The following GAREM1 variants were observed in gnomAD, a reference collection of about 807,000 sequenced individuals.
GAREM1 encodes GRB2 associated regulator of MAPK1 subtype 1.
GAREM1 carries 26 observed loss-of-function variants against 71.3 expected under a neutral mutation model. The ratio of observed to expected loss-of-function variants is 0.36; its 90% CI spans 0.27 to 0.51. The LOEUF is 0.51. Among genes scored for constraint, GAREM1 ranks in the 20% least tolerant of loss-of-function variants. The pLI is 0.95. For missense variants in GAREM1, 1,026 were observed against 1,103.1 expected (o/e 0.93, Z 0.99); for synonymous variants, 440 against 433.2 (o/e 1.02, Z -0.20).
At chr18:32,448,845 CT>C (rs1488342433) in intron 1 of GAREM1, among the ~76,000 whole-genome samples, 1 of 152,178 alleles carries the variant, frequency 6.6e-6, no homozygotes, top group African/African-American at 2.4e-5. Flanking sequence ...AGAAAACCTT[CT>C]TCAGTGAGTA....
At chr18:32,370,616 CA>C (rs753013360) in intron 2 of GAREM1, among the ~76,000 whole-genome samples, 96 of 152,138 alleles carry the variant, frequency 6.3e-4, no homozygotes, top group Non-Finnish European at 1.2e-3. Context: ...GTGCATAAAA[CA>C]AGAGAAGTTT....
In GAREM1 at chr18:32,268,386, T is replaced by C; in HGVS notation, c.2116A>G (p.Thr706Ala). ...PKSASYSLES[T>A]DVKSLAAGVT... ...CCAGCTGCAAGAGATTTCACATCTG[T>C]GCTCTCCAGAGAGTAGCTGGCTGAC... is the stretch of plus-strand genomic sequence containing the variant. Residue 706 changes from threonine (T) to alanine (A), a missense_variant, in exon 6 of 6, where the codon ACA (threonine) becomes GCA (alanine). Around this residue, in one of 3 missense-constraint regions of GAREM1, gnomAD observed 636 missense variants for 631.2 expected, o/e 1.01. Transcript: ENST00000269209. 1 of 1,614,188 alleles carries C rather than the reference T, an allele frequency of 6.2e-7. No homozygotes were observed. The highest frequency in any genetic ancestry group is 8.5e-7 in the Non-Finnish European group (1 of 1,180,028).
chr18:32,364,516 T>C (rs532065426), intron 2 of GAREM1, among the ~76,000 whole-genome samples: 3 of 152,212 alleles, frequency 2.0e-5, no homozygotes, highest in African/African-American at 7.2e-5. Flanking sequence ...AAGCAAGAAC[T>C]ATATTTATTG....
chr18:32,277,362 C>T (rs995542671), intron 4 of GAREM1, among the ~76,000 whole-genome samples: 20 of 152,330 alleles, frequency 1.3e-4, no homozygotes, highest in African/African-American at 4.3e-4. Flanking sequence ...GGACCCTGTG[C>T]TCACCTTTAA....
At chr18:32,363,456 T>C (rs539728730) in intron 2 of GAREM1, among the ~76,000 whole-genome samples, 46 of 152,312 alleles carry the variant, frequency 3.0e-4, no homozygotes, top group African/African-American at 1.0e-3. Context: ...AAATTATTTA[T>C]AGTAGGTAAA....
intron 1 of GAREM1, among the ~76,000 whole-genome samples, chr18:32,462,136 A>G (rs1492832): frequency 0.36 from 54,530 of 152,140 alleles, 10,142 homozygotes; most frequent in African/African-American, 0.43. Flanking sequence ...TACACCTAGT[A>G]GTGGGACTGC....
rs749839971 is a variant in GAREM1 at position 32,387,035 on chromosome 18, A to T, written c.262+5860T>A. On this transcript the variant is annotated intron_variant, in intron 2 of 5. Coordinates refer to ENST00000269209, the MANE Select transcript of GAREM1 (RefSeq NM_001242409.2). ...TGGGGTTTATATTCTTTTTTTTTTT[A>T]AAAAAAAATCACATTATGCATACTA... Among the ~76,000 whole-genome samples, 636 of 94,930 alleles carry T rather than the reference A, an allele frequency of 6.7e-3. 7 individuals are homozygous for T. Among genetic ancestry groups the T allele is most frequent in the African/African-American group, 0.039 (600 of 15,238 alleles). The allele number at this position is 94,930 out of a possible 152,430, so 62.3% of individuals were successfully genotyped here.
At chr18:32,364,029 T>TATA (rs1491185711) in intron 2 of GAREM1, among the ~76,000 whole-genome samples, 1 of 41,170 alleles carries the variant, frequency 2.4e-5, no homozygotes, top group African/African-American at 1.6e-4. Flanking sequence ...TATATATATG[T>TATA]TTTTTTTTTT....
At chr18:32,452,586 C>G (rs1043933327) in intron 1 of GAREM1, among the ~76,000 whole-genome samples, 2 of 152,174 alleles carry the variant, frequency 1.3e-5, no homozygotes, top group African/African-American at 4.8e-5. Context: ...TTGCTTATCA[C>G]ATGACAGTAT....
intron 3 of GAREM1, among the ~76,000 whole-genome samples, chr18:32,291,651 C>T (rs2047088551): frequency 6.6e-6 from 1 of 151,938 alleles, no homozygotes; most frequent in Non-Finnish European, 1.5e-5. Context: ...CCTTAGCCCC[C>T]CACCCCCCAA....
At chr18:32,303,053 G>A (rs1035333444) in intron 3 of GAREM1, among the ~76,000 whole-genome samples, 1 of 152,180 alleles carries the variant, frequency 6.6e-6, no homozygotes, top group East Asian at 1.9e-4. Context: ...CAGAGGCAGC[G>A]ACTGTATGCC....
chr18:32,274,077 C>T (rs2041504397), intron 4 of GAREM1, among the ~76,000 whole-genome samples: 1 of 152,154 alleles, frequency 6.6e-6, no homozygotes, highest in African/African-American at 2.4e-5. Context: ...GAGGACTCCA[C>T]AGACACATCT....
rs561320864 is a variant in GAREM1 at position 32,453,651 on chromosome 18, G to A, written c.121+16657C>T. ...TGTCATTGGATTTAAAGCCCACTCA[G>A]GTAATCCAGAATGAACTCCTCTTAA... is the stretch of plus-strand genomic sequence containing the variant. On this transcript the variant is annotated intron_variant, in intron 1 of 5. Transcript: ENST00000269209. Among the ~76,000 whole-genome samples the A allele has an allele frequency of 3.9e-5, 6 of 152,184 alleles. No individual in the cohort carries two copies. The East Asian group carries it at 1.2e-3, about 29-fold the overall frequency.
chr18:32,273,327 C>T (rs761290801), intron 4 of GAREM1, among the ~76,000 whole-genome samples: 5 of 152,140 alleles, frequency 3.3e-5, no homozygotes, highest in Non-Finnish European at 7.3e-5. Flanking sequence ...ATGTCAATTA[C>T]AATATGCATT....
chr18:32,417,414 C>T (rs1277494440), intron 1 of GAREM1, among the ~76,000 whole-genome samples: 1 of 152,176 alleles, frequency 6.6e-6, no homozygotes, highest in African/African-American at 2.4e-5. Flanking sequence ...GAGGTATTTA[C>T]ACGCCCATGT....
At chr18:32,340,750 A>AT (rs1326678527) in intron 2 of GAREM1, among the ~76,000 whole-genome samples, 1 of 152,164 alleles carries the variant, frequency 6.6e-6, no homozygotes, top group East Asian at 1.9e-4. Context: ...TCATGCTGTT[A>AT]TTATCCATAG....
At chr18:32,315,437 A>T (rs8084215) in intron 2 of GAREM1, among the ~76,000 whole-genome samples, 49,214 of 146,238 alleles carry the variant, frequency 0.34, 11,769 homozygotes, top group African/African-American at 0.68. Context: ...AGTATATATA[A>T]AAAAATATAT....
intron 1 of GAREM1, among the ~76,000 whole-genome samples, chr18:32,415,987 C>G (rs1466121424): frequency 6.6e-6 from 1 of 151,854 alleles, no homozygotes; most frequent in Non-Finnish European, 1.5e-5. Flanking sequence ...AAGGCTCCAC[C>G]AAAAAATTAT....
intron 1 of GAREM1, among the ~76,000 whole-genome samples, chr18:32,466,390 T>C (rs1158938080): frequency 6.6e-6 from 1 of 152,308 alleles, no homozygotes; most frequent in African/African-American, 2.4e-5. Context: ...CAAATATATA[T>C]TTTACTAGAG....
Sources: gnomAD v4.1 joint callset for allele counts (sites outside exome capture counted in the v4.1 genomes callset) on GRCh38, gnomAD v4.1.1 for gene constraint, gnomAD v4.1.1 regional missense constraint, MANE v1.5 for transcripts, NCBI Gene and HGNC (gene_info 2026-07-23, HGNC 2026-07-21) for gene names.